RIMS2: variants seen among roughly 807,000 people sequenced by gnomAD.
The protein encoded by RIMS2 is regulating synaptic membrane exocytosis protein 2.
In RIMS2, 59 loss-of-function variants were observed where a neutral mutation model predicts 174.4. That is an observed-to-expected ratio of 0.34 (90% CI 0.27 to 0.42). The LOEUF is 0.42. Among genes scored for constraint, RIMS2 ranks in the 10% least tolerant of loss-of-function variants. RIMS2 has a pLI of 1.00. For missense variants in RIMS2, 1,620 were observed against 1,666.3 expected (o/e 0.97, Z 0.48); for synonymous variants, 606 against 572.5 (o/e 1.06, Z -0.84).
chr8:103,846,481 A>G (rs2098968504), intron 3 of RIMS2, among the ~76,000 whole-genome samples: 1 of 152,142 alleles, frequency 6.6e-6, no homozygotes, highest in Non-Finnish European at 1.5e-5. Context: ...ATATACCCCT[A>G]TCAGAGCTAT....
intron 2 of RIMS2, among the ~76,000 whole-genome samples, chr8:103,725,868 T>G (rs779385882): frequency 6.6e-6 from 1 of 152,160 alleles, no homozygotes; most frequent in Non-Finnish European, 1.5e-5. Flanking sequence ...CAGCATTTGG[T>G]TGGGTTACTG....
chr8:104,064,551 AT>A (rs1197130533), intron 19 of RIMS2, among the ~76,000 whole-genome samples: 3 of 152,062 alleles, frequency 2.0e-5, no homozygotes, highest in African/African-American at 7.2e-5. Context: ...CATTTATGGA[AT>A]TTAGGAGTAT....
chr8:104,003,083 C>T (rs1318168893), intron 17 of RIMS2, among the ~76,000 whole-genome samples: 1 of 151,610 alleles, frequency 6.6e-6, no homozygotes, highest in Non-Finnish European at 1.5e-5. Flanking sequence ...TAACATTTAC[C>T]TTTGTACCCT....
In RIMS2 at chr8:104,239,072, T is replaced by A. The variant is rs115551210; in HGVS notation, c.3335-5844T>A. Among the ~76,000 whole-genome samples, 708 of 152,258 alleles carry A rather than the reference T, an allele frequency of 4.6e-3. 7 individuals carry two copies. The highest frequency in any genetic ancestry group is 0.017 in the African/African-American group (687 of 41,548). ...AGCAACCAGGAATGGGTTATGTGAA[T>A]CCAAGATTTGAAAGGAGGTCACCAT... On this transcript the variant is annotated intron_variant, in intron 19 of 23. Coordinates refer to ENST00000504942, the Ensembl canonical transcript of RIMS2.
intron 19 of RIMS2, among the ~76,000 whole-genome samples, chr8:104,039,468 A>G (rs1273731904): frequency 1.3e-5 from 2 of 151,756 alleles, no homozygotes; most frequent in Non-Finnish European, 3.0e-5. Context: ...CATTGCATTG[A>G]TGACACATAA....
chr8:103,752,611 A>C (rs545468368), intron 2 of RIMS2, among the ~76,000 whole-genome samples: 75 of 152,240 alleles, frequency 4.9e-4, no homozygotes, highest in African/African-American at 1.8e-3. Flanking sequence ...AATTTCATTG[A>C]GCAGTGGTTT....
chr8:104,162,950 T>A (rs960951525), intron 19 of RIMS2, among the ~76,000 whole-genome samples: 1 of 152,164 alleles, frequency 6.6e-6, no homozygotes, highest in Non-Finnish European at 1.5e-5. Context: ...TGAATGCTAT[T>A]TACTCAATTG....
chr8:103,704,688 C>T (rs1300940141), intron 2 of RIMS2, among the ~76,000 whole-genome samples: 1 of 151,886 alleles, frequency 6.6e-6, no homozygotes, highest in Non-Finnish European at 1.5e-5. Context: ...TAATCATGAT[C>T]CAATCTTGGT....
intron 19 of RIMS2, among the ~76,000 whole-genome samples, chr8:104,053,382 A>T (rs900934803): frequency 1.3e-5 from 2 of 152,206 alleles, no homozygotes; most frequent in African/African-American, 2.4e-5. Context: ...GGTCCCACTT[A>T]AAAAACTTGG....
intron 12 of RIMS2, 115 bp downstream of exon 14, chr8:103,931,508 T>C (rs1291175310): frequency 1.5e-6 from 1 of 654,178 alleles, no homozygotes; most frequent in Non-Finnish European, 2.4e-6. Flanking sequence ...ATATGTGAAG[T>C]TTAACATAAA....
At chr8:103,591,203 ATTCCTT>A (rs2094239200) in intron 1 of RIMS2, among the ~76,000 whole-genome samples, 1 of 150,984 alleles carries the variant, frequency 6.6e-6, no homozygotes, top group Non-Finnish European at 1.5e-5. Context: ...ATTCATACAT[ATTCCTT>A]CATGGACTGT....
chr8:103,847,666 A>G (rs1460512946), intron 3 of RIMS2, among the ~76,000 whole-genome samples: 2 of 152,072 alleles, frequency 1.3e-5, no homozygotes, highest in Non-Finnish European at 2.9e-5. Flanking sequence ...ACTGGCCTTT[A>G]CAAGGTGGAA....
At chr8:104,163,472 G>T (rs896680138) in intron 19 of RIMS2, among the ~76,000 whole-genome samples, 1 of 152,132 alleles carries the variant, frequency 6.6e-6, no homozygotes, top group African/African-American at 2.4e-5. Context: ...AAGTTCCAAT[G>T]ATATACGAGT....
At chr8:104,052,973 G>A (rs879390368) in intron 19 of RIMS2, among the ~76,000 whole-genome samples, 1 of 152,158 alleles carries the variant, frequency 6.6e-6, no homozygotes, top group Non-Finnish European at 1.5e-5. Flanking sequence ...AAAGTACAGG[G>A]CCAAACAGTT....
Position 103,534,850 on chromosome 8 carries a change from C to T in RIMS2, c.176+33788C>T, listed in dbSNP as rs76159550. Among the ~76,000 whole-genome samples the T allele has an allele frequency of 6.2e-3, 942 of 152,064 alleles. 12 individuals carry two copies. The highest frequency in any genetic ancestry group is 0.022 in the African/African-American group (892 of 41,474). ...CACTACACATTATCCTTAATTTTGC[C>T]TTTTGACTTACAAAGCCTTATTTAC... On this transcript the variant is annotated intron_variant, in intron 1 of 23. Coordinates refer to ENST00000504942, the Ensembl canonical transcript of RIMS2.
intron 3 of RIMS2, among the ~76,000 whole-genome samples, chr8:103,879,144 A>G (rs917393430): frequency 2.6e-5 from 4 of 151,672 alleles, no homozygotes; most frequent in Non-Finnish European, 5.9e-5. Context: ...CCCTAGAAAG[A>G]TCAGTAGAGA....
At chr8:103,539,411 A>AGAG (rs1841460715) in intron 1 of RIMS2, among the ~76,000 whole-genome samples, 1 of 152,222 alleles carries the variant, frequency 6.6e-6, no homozygotes, top group South Asian at 2.1e-4. Context: ...AATAGGCCTG[A>AGAG]GAGGGCTCAA....
intron 1 of RIMS2, among the ~76,000 whole-genome samples, chr8:103,551,986 T>C (rs1291205696): frequency 6.6e-6 from 1 of 152,172 alleles, no homozygotes. Flanking sequence ...TCCATGCTCA[T>C]GGATAGGAAG....
intron 1 of RIMS2, among the ~76,000 whole-genome samples, chr8:103,685,525 A>G (rs2096931247): frequency 6.6e-6 from 1 of 152,210 alleles, no homozygotes; most frequent in Admixed American, 6.5e-5. Flanking sequence ...TTTAGAGGGT[A>G]CAAAACATCC....
Sources: gnomAD v4.1 joint callset for allele counts (sites outside exome capture counted in the v4.1 genomes callset) on GRCh38, gnomAD v4.1.1 for gene constraint, MANE v1.5 for transcripts, NCBI Gene and HGNC (gene_info 2026-07-23, HGNC 2026-07-21) for gene names.